The following MICU1 variants were observed in gnomAD, a reference collection of about 807,000 sequenced individuals.
MICU1 encodes the protein calcium uptake protein 1, mitochondrial.
In MICU1, 45 loss-of-function variants were observed where a neutral mutation model predicts 56.8. The observed-to-expected ratio is 0.79, with a 90% CI of 0.62 to 1.02. The LOEUF is 1.02. MICU1 is among the 50% of genes least tolerant of loss of function. MICU1 has a pLI of 0.00. For synonymous variants in MICU1, 186 were observed against 195.1 expected, an observed-to-expected ratio of 0.95 and a Z score of 0.39; for missense variants, 504 against 587.1, an observed-to-expected ratio of 0.86 and a Z score of 1.46.
intron 1 of MICU1, among the ~76,000 whole-genome samples, chr10:72,608,923 A>T (rs1429164155): frequency 1.3e-5 from 2 of 152,224 alleles, no homozygotes; most frequent in Admixed American, 6.5e-5. Context: ...CTGACCATGA[A>T]GCAGCCCTAG....
At chr10:72,573,038 C>T (rs1157687280) in intron 1 of MICU1, among the ~76,000 whole-genome samples, 1 of 151,828 alleles carries the variant, frequency 6.6e-6, no homozygotes, top group Admixed American at 6.6e-5. Context: ...AATAGCAAAA[C>T]ACTAAGAACT....
chr10:72,500,659 A>C (rs1337549796), intron 6 of MICU1, among the ~76,000 whole-genome samples: 1 of 152,132 alleles, frequency 6.6e-6, no homozygotes, highest in Non-Finnish European at 1.5e-5. Context: ...CAAGCTATCT[A>C]GAATTGTTTT....
intron 8 of MICU1, among the ~76,000 whole-genome samples, chr10:72,434,226 G>A (rs186568895): frequency 1.3e-4 from 20 of 152,010 alleles, no homozygotes; most frequent in African/African-American, 4.3e-4. Context: ...CATTTATAAC[G>A]GCAAACATTT....
At chr10:72,406,719 C>A (rs1300826437) in intron 10 of MICU1, among the ~76,000 whole-genome samples, 1 of 151,944 alleles carries the variant, frequency 6.6e-6, no homozygotes, top group Non-Finnish European at 1.5e-5. Context: ...CTCTGCCTCC[C>A]AGATTCAAGC....
intron 1 of MICU1, among the ~76,000 whole-genome samples, chr10:72,568,127 GC>G (rs1840491972): frequency 6.6e-6 from 1 of 151,958 alleles, no homozygotes; most frequent in Non-Finnish European, 1.5e-5. Flanking sequence ...TGCTGACACT[GC>G]TTTGAAGTTT....
intron 5 of MICU1, among the ~76,000 whole-genome samples, chr10:72,512,940 A>G (rs1867526714): frequency 1.3e-5 from 2 of 152,078 alleles, no homozygotes; most frequent in Non-Finnish European, 2.9e-5. Context: ...CCTGGAGTTA[A>G]GCAATCTGCG....
intron 9 of MICU1, among the ~76,000 whole-genome samples, chr10:72,420,576 T>C (rs1287375960): frequency 6.6e-6 from 1 of 152,172 alleles, no homozygotes; most frequent in African/African-American, 2.4e-5. Context: ...ATGGTAGCCA[T>C]TGTCCAGTGG....
chr10:72,526,077 GA>G (rs1328825739), intron 5 of MICU1, among the ~76,000 whole-genome samples: 1 of 151,810 alleles, frequency 6.6e-6, no homozygotes, highest in Non-Finnish European at 1.5e-5. Context: ...ACCAAAGCCA[GA>G]TTTTTTTTTT....
chr10:72,541,198 G>C (rs1839766819), intron 4 of MICU1, among the ~76,000 whole-genome samples: 2 of 152,328 alleles, frequency 1.3e-5, no homozygotes, highest in South Asian at 4.1e-4. Context: ...AGTTTAACTT[G>C]AAAGCAAGAA....
At chr10:72,569,235 A>ATTTT (rs1245936809) in intron 1 of MICU1, among the ~76,000 whole-genome samples, 108 of 42,538 alleles carry the variant, frequency 2.5e-3, no homozygotes, top group East Asian at 0.015. Flanking sequence ...ATATATATAT[A>ATTTT]TATTTTTTTT....
chr10:72,488,051 C>T (rs1481739428), intron 6 of MICU1, among the ~76,000 whole-genome samples: 2 of 151,836 alleles, frequency 1.3e-5, no homozygotes, highest in Admixed American at 6.6e-5. Context: ...ACAAAATTAG[C>T]CAGGCGTGGT....
intron 1 of MICU1, among the ~76,000 whole-genome samples, chr10:72,581,295 G>A (rs1423402426): frequency 6.6e-6 from 1 of 152,154 alleles, no homozygotes; most frequent in Non-Finnish European, 1.5e-5. Flanking sequence ...ATGAACCTAG[G>A]AGAAAAGTGA....
intron 6 of MICU1, among the ~76,000 whole-genome samples, chr10:72,500,897 T>C (rs898104279): frequency 6.6e-6 from 1 of 152,110 alleles, no homozygotes; most frequent in African/African-American, 2.4e-5. Flanking sequence ...TGCAGAAAAA[T>C]CTCTGACTTC....
At chr10:72,493,387 T>C (rs1350233494) in intron 6 of MICU1, among the ~76,000 whole-genome samples, 1 of 152,222 alleles carries the variant, frequency 6.6e-6, no homozygotes, top group Non-Finnish European at 1.5e-5. Context: ...GGTTTAGCCA[T>C]TGTTTGATAT....
chr10:72,368,302 T>C lies in MICU1; in HGVS notation c.1324A>G (p.Met442Val). 1 of 1,614,018 alleles carries C rather than the reference T, an allele frequency of 6.2e-7. No homozygotes were observed. The highest frequency in any genetic ancestry group is 8.5e-7 in the Non-Finnish European group (1 of 1,179,874). ...TCTTTGGGCTTTTCCAGGCCTCTCA[T>C]CAGCCGTTGCTTCATGATGGAAACA... ...EFVSIMKQRL[M>V]RGLEKPKDMG... Residue 442 changes from methionine to valine, a missense_variant, in exon 12 of 12, where the codon ATG becomes GTG. Transcript: ENST00000361114.
chr10:72,582,548 T>A (rs940040690), intron 1 of MICU1, among the ~76,000 whole-genome samples: 1 of 152,104 alleles, frequency 6.6e-6, no homozygotes, highest in African/African-American at 2.4e-5. Flanking sequence ...TTGAACCTTG[T>A]CAGGTTCAAG....
rs185952367 is a variant in MICU1 at position 72,485,029 on chromosome 10, C to T, written c.653-7773G>A. Among the ~76,000 whole-genome samples, 5 of 152,170 alleles carry T rather than the reference C, an allele frequency of 3.3e-5. No homozygotes were observed. The East Asian group carries it at 7.7e-4, about 24-fold the overall frequency. On this transcript the variant is annotated intron_variant, in intron 6 of 11. Transcript: ENST00000361114. The stretch of plus-strand genomic sequence containing the variant: ...GTAGTTGTGACAGAGACATTATCAC[C>T]CACAAGCCTAAAATATTTGCTATCT...
intron 11 of MICU1, among the ~76,000 whole-genome samples, chr10:72,372,323 G>A (rs909236271): frequency 2.6e-5 from 4 of 151,838 alleles, no homozygotes; most frequent in Non-Finnish European, 5.9e-5. Context: ...AGCTATGATC[G>A]CACCACCACA....
At chr10:72,485,896 C>CAA (rs1439616281) in intron 6 of MICU1, among the ~76,000 whole-genome samples, 2 of 151,454 alleles carry the variant, frequency 1.3e-5, no homozygotes, top group Non-Finnish European at 2.9e-5. Context: ...CACACACACA[C>CAA]ACGCACACAC....
Sources: allele counts gnomAD v4.1 joint callset (sites outside exome capture counted in the v4.1 genomes callset), GRCh38; gene constraint gnomAD v4.1.1; transcripts MANE v1.5; gene names NCBI Gene and HGNC (gene_info 2026-07-23, HGNC 2026-07-21).